Variants in CDH18 observed in about 807,000 individuals in gnomAD.
CDH18 encodes cadherin 18.
In CDH18, 31 loss-of-function variants were observed where a neutral mutation model predicts 67.9. The observed-to-expected ratio is 0.46, with a 90% CI of 0.34 to 0.62. CDH18 has a LOEUF of 0.62. Ranked by LOEUF, CDH18 falls within the 20% of genes least tolerant of loss-of-function variation. CDH18 has a pLI of 0.01. For missense variants in CDH18, 890 were observed against 975.5 expected, an observed-to-expected ratio of 0.91 and a Z score of 1.17; for synonymous variants, 362 against 347.2, an observed-to-expected ratio of 1.04 and a Z score of -0.48.
At chr5:20,174,813 C>G (rs912982446) in intron 2 of CDH18, among the ~76,000 whole-genome samples, 3 of 151,984 alleles carry the variant, frequency 2.0e-5, no homozygotes, top group Admixed American at 6.6e-5. Context: ...TATATGATAA[C>G]GATCTCTGAG....
intron 7 of CDH18, among the ~76,000 whole-genome samples, chr5:19,576,222 CAAA>C (rs1476586279): frequency 6.6e-6 from 1 of 151,768 alleles, no homozygotes; most frequent in Non-Finnish European, 1.5e-5. Context: ...AAAAAATAGG[CAAA>C]GTAAGCAAAA....
intron 1 of CDH18, among the ~76,000 whole-genome samples, chr5:20,415,446 T>C (rs1747214374): frequency 6.6e-6 from 1 of 152,066 alleles, no homozygotes; most frequent in Non-Finnish European, 1.5e-5. Flanking sequence ...ATGTAGTACA[T>C]ACATACAGTG....
At chr5:19,720,789 T>G (rs1006333881) in intron 5 of CDH18, among the ~76,000 whole-genome samples, 1 of 152,198 alleles carries the variant, frequency 6.6e-6, no homozygotes, top group East Asian at 1.9e-4. Flanking sequence ...ATTATTTTAA[T>G]TCTTTTTTGG....
intron 5 of CDH18, among the ~76,000 whole-genome samples, chr5:19,644,078 A>C (rs1754413956): frequency 6.6e-6 from 1 of 152,146 alleles, no homozygotes; most frequent in Non-Finnish European, 1.5e-5. Flanking sequence ...TTGGGTCTAA[A>C]TTTAATTTTG....
chr5:20,142,409 G>A (rs1036992738), intron 2 of CDH18, among the ~76,000 whole-genome samples: 5 of 151,614 alleles, frequency 3.3e-5, no homozygotes, highest in South Asian at 2.1e-4. Flanking sequence ...ACGAAACTCC[G>A]TCTCTACTGA....
intron 1 of CDH18, among the ~76,000 whole-genome samples, chr5:20,458,718 A>T (rs1471200612): frequency 6.6e-6 from 1 of 152,228 alleles, no homozygotes; most frequent in South Asian, 2.1e-4. Flanking sequence ...GATTTGTATA[A>T]GAAATTCCTC....
chr5:19,809,968 G>A lies in CDH18; in HGVS notation c.228+28791C>T, dbSNP rs1055352096. Among the ~76,000 whole-genome samples, 57 of 152,184 alleles carry A rather than the reference G, an allele frequency of 3.7e-4. 1 individual carries two copies. In the Middle Eastern group the frequency reaches 0.01, roughly 27 times the overall value. On this transcript the variant is annotated intron_variant, in intron 3 of 12. Coordinates refer to ENST00000382275, the MANE Select transcript of CDH18 (RefSeq NM_004934.5). ...GAATGGGAACATCGAGCACACACAC[G>A]GAAAATAGAAAACTTGAAAAAGACT...
chr5:20,117,092 G>T (rs536310678), intron 2 of CDH18, among the ~76,000 whole-genome samples: 32 of 151,994 alleles, frequency 2.1e-4, no homozygotes, highest in African/African-American at 7.0e-4. Context: ...CCATTGAAGA[G>T]AATTTGATTT....
chr5:19,628,769 A>C (rs1476766412), intron 5 of CDH18, among the ~76,000 whole-genome samples: 17 of 152,138 alleles, frequency 1.1e-4, no homozygotes, highest in Admixed American at 9.8e-4. Context: ...TAGTAATATA[A>C]ATATGACCAG....
intron 7 of CDH18, among the ~76,000 whole-genome samples, chr5:19,575,078 T>C (rs1399918335): frequency 6.6e-6 from 1 of 152,014 alleles, no homozygotes; most frequent in Non-Finnish European, 1.5e-5. Context: ...TCACTGATGC[T>C]CATACTTAAT....
intron 2 of CDH18, among the ~76,000 whole-genome samples, chr5:20,091,872 G>T (rs1346727400): frequency 6.6e-6 from 1 of 152,100 alleles, no homozygotes; most frequent in Non-Finnish European, 1.5e-5. Context: ...AGAACCTCCA[G>T]ATCAGGCATA....
chr5:19,499,304 C>G (rs1046867953), intron 11 of CDH18, among the ~76,000 whole-genome samples: 5 of 152,192 alleles, frequency 3.3e-5, no homozygotes, highest in African/African-American at 1.2e-4. Flanking sequence ...TACCTAACTA[C>G]AGATTCTTTC....
intron 3 of CDH18, among the ~76,000 whole-genome samples, chr5:19,833,353 T>A (rs1298819994): frequency 6.6e-6 from 1 of 152,186 alleles, no homozygotes; most frequent in East Asian, 1.9e-4. Context: ...ATGCTTGTGA[T>A]GTTTGCATAT....
In CDH18 at chr5:20,386,619, G is replaced by C. The variant is rs184388140; in HGVS notation, c.-579-131114C>G. Reference sequence around the variant, plus strand: ...AAGTATACAGCAGGAGTAAGTGCAAGAACTTGTATTCAACTTGTATTCCCC... The same window carrying C: ...AAGTATACAGCAGGAGTAAGTGCAACAACTTGTATTCAACTTGTATTCCCC... On this transcript the variant is annotated intron_variant, in intron 1 of 14. Transcript: ENST00000507958. Among the ~76,000 whole-genome samples the C allele has an allele frequency of 1.1e-3, 163 of 152,190 alleles. 1 individual carries two copies. Among genetic ancestry groups the C allele is most frequent in the Non-Finnish European group, 1.6e-3 (108 of 67,996 alleles).
chr5:19,960,387 T>C (rs1372389858), intron 2 of CDH18, among the ~76,000 whole-genome samples: 1 of 151,734 alleles, frequency 6.6e-6, no homozygotes, highest in Non-Finnish European at 1.5e-5. Flanking sequence ...AGGCCTATGC[T>C]AGCTCATGAT....
chr5:20,014,262 C>A (rs1480602503), intron 2 of CDH18, among the ~76,000 whole-genome samples: 1 of 152,032 alleles, frequency 6.6e-6, no homozygotes, highest in African/African-American at 2.4e-5. Context: ...TAGTCTCTGC[C>A]TGTAATTCAT....
intron 1 of CDH18, among the ~76,000 whole-genome samples, chr5:20,347,116 T>C (rs2150051661): frequency 6.6e-6 from 1 of 152,262 alleles, no homozygotes; most frequent in East Asian, 1.9e-4. Flanking sequence ...TTAAAGGATA[T>C]CTCCCTTCAA....
chr5:20,518,129 G>C (rs991325785), intron 1 of CDH18, among the ~76,000 whole-genome samples: 51 of 151,976 alleles, frequency 3.4e-4, no homozygotes, highest in African/African-American at 1.1e-3. Context: ...ATATCCATCA[G>C]ATATTTTTCT....
chr5:20,390,270 G>C (rs1001763423), intron 1 of CDH18, among the ~76,000 whole-genome samples: 3 of 144,938 alleles, frequency 2.1e-5, no homozygotes, highest in African/African-American at 7.5e-5. Context: ...AGAATCCACA[G>C]TGAACTCAAA....
Sources: gnomAD v4.1 joint callset for allele counts (sites outside exome capture counted in the v4.1 genomes callset) on GRCh38, gnomAD v4.1.1 for gene constraint, MANE v1.5 for transcripts, NCBI Gene and HGNC (gene_info 2026-07-23, HGNC 2026-07-21) for gene names.